DDR2: variants seen among roughly 807,000 people sequenced by gnomAD.
DDR2 encodes the protein discoidin domain receptor tyrosine kinase 2, also known as discoidin domain-containing receptor 2.
DDR2 carries 27 observed loss-of-function variants against 94.9 expected under a neutral mutation model. That is an observed-to-expected ratio of 0.28 (90% CI 0.21 to 0.39). The LOEUF (loss-of-function observed/expected upper bound fraction) is 0.39. Among genes scored for constraint, DDR2 ranks in the 10% least tolerant of loss-of-function variants. The pLI is 1.00. For synonymous variants in DDR2, 382 were observed against 377.2 expected, an observed-to-expected ratio of 1.01 and a Z score of -0.15; for missense variants, 783 against 1,076.0, an observed-to-expected ratio of 0.73 and a Z score of 3.81.
chr1:162,775,405 G>T (rs1008993886), intron 14 of DDR2, among the ~76,000 whole-genome samples: 3 of 152,134 alleles, frequency 2.0e-5, no homozygotes, highest in Admixed American at 2.0e-4. Context: ...AGATGTGAGG[G>T]ATAGAAATGT....
intron 1 of DDR2, among the ~76,000 whole-genome samples, chr1:162,643,705 TC>T (rs1224256720): frequency 6.6e-6 from 1 of 152,196 alleles, no homozygotes; most frequent in Non-Finnish European, 1.5e-5. Context: ...GGTCTCGAAC[TC>T]CTGACCTCAG....
In DDR2 at chr1:162,780,261, G is replaced by A. The variant is rs1224226903; in HGVS notation, c.*15G>A. ...GCGACGAGTGATGCTGTCAGTGCCT[G>A]GCCATGTTCCTACGGCTCAGGTCCT... On this transcript the variant is annotated 3_prime_UTR_variant, in exon 18 of 18. Coordinates refer to ENST00000367921, the MANE Select transcript of DDR2 (RefSeq NM_006182.4). 1.9e-6 allele frequency: 3 copies of A among 1,613,568 alleles called. No homozygotes were observed. The highest frequency in any genetic ancestry group is 2.5e-6 in the Non-Finnish European group (3 of 1,179,782).
At position 162,708,545 on chromosome 1, in the gene DDR2, G is replaced by A. The variant is rs559874857; in HGVS notation, c.-27-10492G>A. On this transcript the variant is annotated intron_variant, in intron 2 of 17. Transcript: ENST00000367921. ...TTGAGGTATGAGCACTCTCACTCACGGTATTGATCAAGCAGCGTAATCACA... is the reference window on the plus strand; with the variant it reads ...TTGAGGTATGAGCACTCTCACTCACAGTATTGATCAAGCAGCGTAATCACA... 4.6e-5 allele frequency among the ~76,000 whole-genome samples: 7 copies of A among 152,288 alleles called. No homozygotes were observed. The South Asian group carries it at 6.2e-4, about 14-fold the overall frequency.
chr1:162,646,436 T>C (rs1165493748), intron 1 of DDR2, among the ~76,000 whole-genome samples: 2 of 152,208 alleles, frequency 1.3e-5, no homozygotes, highest in African/African-American at 4.8e-5. Flanking sequence ...ACTTTACATA[T>C]GTAATCTCAT....
intron 1 of DDR2, among the ~76,000 whole-genome samples, chr1:162,636,810 T>C (rs916497037): frequency 6.6e-6 from 1 of 152,120 alleles, no homozygotes; most frequent in Non-Finnish European, 1.5e-5. Context: ...GCCAAAATAA[T>C]TGAGATGGGA....
rs1281943809 is a variant in DDR2 at position 162,731,604 on chromosome 1, A to G, written c.82+12459A>G. Among the ~76,000 whole-genome samples the G allele has an allele frequency of 3.9e-5, 6 of 152,228 alleles. No individual in the cohort carries two copies. In the East Asian group the frequency reaches 1.2e-3, roughly 29 times the overall value. On this transcript the variant is annotated intron_variant, in intron 3 of 17. Coordinates refer to ENST00000367921, the MANE Select transcript of DDR2 (RefSeq NM_006182.4). ...ACTACCATGAAATTGAGAGGCTGAA[A>G]GCTTAAGTAACCTTTCTAAGGTCAT...
chr1:162,716,694 T>C (rs1661183097), intron 2 of DDR2, among the ~76,000 whole-genome samples: 1 of 151,778 alleles, frequency 6.6e-6, no homozygotes, highest in Non-Finnish European at 1.5e-5. Flanking sequence ...GTCAAAACCA[T>C]CTGACTACAT....
At chr1:162,771,315 G>A (rs1326852730) in intron 12 of DDR2, among the ~76,000 whole-genome samples, 1 of 152,212 alleles carries the variant, frequency 6.6e-6, no homozygotes, top group African/African-American at 2.4e-5. Context: ...AGCTAGGCCT[G>A]AGCTGGATGT....
At chr1:162,774,263 CAG>C (rs1247550448) in intron 14 of DDR2, among the ~76,000 whole-genome samples, 2 of 152,150 alleles carry the variant, frequency 1.3e-5, no homozygotes, top group Non-Finnish European at 2.9e-5. Flanking sequence ...AATCCTCACC[CAG>C]AGAGACAAGC....
intron 4 of DDR2, 47 bp from the exon 5 acceptor site, chr1:162,754,577 T>A: frequency 6.3e-7 from 1 of 1,586,020 alleles, no homozygotes; most frequent in Non-Finnish European, 8.7e-7. Context: ...TAAACAGCTC[T>A]GTGGTTTCAT....
chr1:162,647,538 C>T (rs577579547), intron 1 of DDR2, among the ~76,000 whole-genome samples: 1 of 152,306 alleles, frequency 6.6e-6, no homozygotes, highest in East Asian at 1.9e-4. Flanking sequence ...AGAGCAGTGG[C>T]ATGAGCTGCT....
chr1:162,780,264 C>T lies in DDR2; in HGVS notation c.*18C>T. 6.2e-7 allele frequency: 1 copy of T among 1,613,544 alleles called. No individual in the cohort carries two copies. The highest frequency in any genetic ancestry group is 8.5e-7 in the Non-Finnish European group (1 of 1,179,744). On this transcript the variant is annotated 3_prime_UTR_variant, in exon 18 of 18. Coordinates refer to ENST00000367921, the MANE Select transcript of DDR2 (RefSeq NM_006182.4). Reference sequence around the variant, plus strand: ...ACGAGTGATGCTGTCAGTGCCTGGCCATGTTCCTACGGCTCAGGTCCTCCC... The same window carrying T: ...ACGAGTGATGCTGTCAGTGCCTGGCTATGTTCCTACGGCTCAGGTCCTCCC...
At position 162,719,300 on chromosome 1, in the gene DDR2, A is replaced by G. The variant is rs897407856; in HGVS notation, c.82+155A>G. On this transcript the variant is annotated intron_variant, in intron 3 of 17. Coordinates refer to ENST00000367921, the MANE Select transcript of DDR2 (RefSeq NM_006182.4). Reference sequence around the variant, plus strand: ...AAATATGACTAAAATAGGAAGAAAAATGAATATACTTTATATATATGTATT... The same window carrying G: ...AAATATGACTAAAATAGGAAGAAAAGTGAATATACTTTATATATATGTATT... 5.8e-6 allele frequency: 5 copies of G among 866,326 alleles called. No individual in the cohort carries two copies. The African/African-American group carries it at 9.1e-5, about 16-fold the overall frequency. 53.7% of individuals were successfully genotyped at this position (866,326 alleles called of 1,614,324 possible).
At chr1:162,757,554 C>A (rs1663520332) in intron 7 of DDR2, among the ~76,000 whole-genome samples, 1 of 151,982 alleles carries the variant, frequency 6.6e-6, no homozygotes, top group Non-Finnish European at 1.5e-5. Flanking sequence ...GAAGTCAAAG[C>A]CAAAAGGAGC....
At chr1:162,749,487 C>T (rs1663065255) in intron 3 of DDR2, among the ~76,000 whole-genome samples, 1 of 152,208 alleles carries the variant, frequency 6.6e-6, no homozygotes, top group African/African-American at 2.4e-5. Context: ...AGACCAATAA[C>T]AGGCTCTGAA....
intron 11 of DDR2, among the ~76,000 whole-genome samples, chr1:162,768,115 A>T (rs1165970652): frequency 6.6e-6 from 1 of 152,232 alleles, no homozygotes; most frequent in African/African-American, 2.4e-5. Context: ...TTAAGGTCAT[A>T]CAACTGATGT....
At chr1:162,758,713 T>TTTAAAATATATTTTAA (rs1663574760) in intron 7 of DDR2, among the ~76,000 whole-genome samples, 2 of 152,234 alleles carry the variant, frequency 1.3e-5, no homozygotes, top group Admixed American at 1.3e-4. Context: ...AAGGCTGGCA[T>TTTAAAATATATTTTAA]AATCACCCTT....
intron 3 of DDR2, among the ~76,000 whole-genome samples, chr1:162,749,543 C>T (rs943342113): frequency 2.0e-5 from 3 of 152,170 alleles, no homozygotes; most frequent in South Asian, 2.1e-4. Context: ...AAGTCCAGGA[C>T]CAGATGGATG....
chr1:162,764,693 G>A (rs1663910231), intron 9 of DDR2, among the ~76,000 whole-genome samples: 1 of 151,998 alleles, frequency 6.6e-6, no homozygotes, highest in Admixed American at 6.6e-5. Flanking sequence ...TGGGTGTGGT[G>A]GCACGTGCTT....
Sources: gnomAD v4.1 joint callset for allele counts (sites outside exome capture counted in the v4.1 genomes callset) on GRCh38, gnomAD v4.1.1 for gene constraint, MANE v1.5 for transcripts, NCBI Gene and HGNC (gene_info 2026-07-23, HGNC 2026-07-21) for gene names.